Variants in NBEA observed in about 807,000 individuals in gnomAD.
The protein encoded by NBEA is neurobeachin, also known as lysosomal-trafficking regulator 2.
In NBEA, 44 loss-of-function variants were observed where a neutral mutation model predicts 343.4. That is an observed-to-expected ratio of 0.13 (90% CI 0.10 to 0.16). NBEA has a LOEUF of 0.16. NBEA is among the 10% of genes least tolerant of loss of function. The pLI, the probability that NBEA is intolerant of heterozygous loss-of-function variation, is 1.00. For synonymous variants in NBEA, 1,175 were observed against 1,238.7 expected (o/e 0.95, Z 1.08); for missense variants, 2,555 against 3,631.3 (o/e 0.70, Z 7.62).
intron 38 of NBEA, among the ~76,000 whole-genome samples, chr13:35,354,494 G>GTCAACAACCT (rs2040384578): frequency 6.6e-6 from 1 of 152,118 alleles, no homozygotes; most frequent in African/African-American, 2.4e-5. Context: ...GTGCTAGCTA[G>GTCAACAACCT]TCAACAACCT....
chr13:35,127,739 A>C (rs2067204458), intron 17 of NBEA, among the ~76,000 whole-genome samples: 1 of 152,140 alleles, frequency 6.6e-6, no homozygotes, highest in East Asian at 1.9e-4. Flanking sequence ...TTATTCTTTC[A>C]CAGTTAAAAA....
intron 48 of NBEA, among the ~76,000 whole-genome samples, chr13:35,622,193 T>C (rs1190096454): frequency 6.6e-6 from 1 of 152,194 alleles, no homozygotes; most frequent in Non-Finnish European, 1.5e-5. Context: ...TCTGAGGTCA[T>C]ACCAGCTGCT....
intron 38 of NBEA, among the ~76,000 whole-genome samples, chr13:35,372,296 A>G (rs2041478285): frequency 6.6e-6 from 1 of 152,212 alleles, no homozygotes; most frequent in Non-Finnish European, 1.5e-5. Context: ...CCAGGCCTGC[A>G]GATGGTATAT....
chr13:34,980,782 T>A (rs1004896748), intron 1 of NBEA, among the ~76,000 whole-genome samples: 2 of 152,098 alleles, frequency 1.3e-5, no homozygotes, highest in Admixed American at 6.5e-5. Context: ...GTTGAAAAAG[T>A]TTTTCCTCTT....
At chr13:35,619,974 A>G (rs965591330) in intron 48 of NBEA, among the ~76,000 whole-genome samples, 1 of 152,176 alleles carries the variant, frequency 6.6e-6, no homozygotes, top group Non-Finnish European at 1.5e-5. Context: ...AGGGGCTATC[A>G]TGCACTTCAT....
rs1196864234 is a variant in NBEA at position 35,044,163 on chromosome 13, C to T, written c.527-784C>T. On this transcript the variant is annotated intron_variant, in intron 2 of 58. Transcript: ENST00000379939. ...ACTCACACTAGCATGATGGATACCA[C>T]TATTAATGTGTTTAAATTACACTTC... 2.0e-5 allele frequency among the ~76,000 whole-genome samples: 3 copies of T among 152,114 alleles called. No individual in the cohort carries two copies. In the East Asian group the frequency reaches 5.8e-4, roughly 29 times the overall value.
intron 41 of NBEA, among the ~76,000 whole-genome samples, chr13:35,516,531 C>T (rs2077493262): frequency 6.6e-6 from 1 of 152,100 alleles, no homozygotes. Flanking sequence ...TGAGTCTACC[C>T]AGGTAATTTT....
chr13:34,952,047 G>T lies in NBEA; in HGVS notation c.294+8933G>T, dbSNP rs2059366152. 2.0e-5 allele frequency among the ~76,000 whole-genome samples: 3 copies of T among 152,230 alleles called. No individual in the cohort carries two copies. In the South Asian group the frequency reaches 6.2e-4, roughly 32 times the overall value. ...TAGATACCATTCCTGCTTTACATAT[G>T]TAGAAACTAAGGCTGTAGAAAATGT... is the stretch of plus-strand genomic sequence containing the variant. On this transcript the variant is annotated intron_variant, in intron 1 of 58. Transcript: ENST00000379939.
intron 38 of NBEA, among the ~76,000 whole-genome samples, chr13:35,383,430 A>C (rs2042102060): frequency 6.6e-6 from 1 of 152,212 alleles, no homozygotes; most frequent in East Asian, 1.9e-4. Flanking sequence ...GTTCAGTCTA[A>C]TTCAGAGAGC....
chr13:35,136,190 G>A (rs560507881), intron 17 of NBEA, among the ~76,000 whole-genome samples: 2 of 152,242 alleles, frequency 1.3e-5, no homozygotes, highest in African/African-American at 4.8e-5. Context: ...GAGTGACTTC[G>A]TAAGTATCCT....
At chr13:35,424,542 T>A (rs574358555) in intron 38 of NBEA, among the ~76,000 whole-genome samples, 1 of 152,292 alleles carries the variant, frequency 6.6e-6, no homozygotes, top group East Asian at 1.9e-4. Flanking sequence ...GCTGCTGGAT[T>A]CGGTTTGCCA....
chr13:35,103,873 C>A (rs2065779625), intron 11 of NBEA, among the ~76,000 whole-genome samples: 1 of 151,846 alleles, frequency 6.6e-6, no homozygotes, highest in Non-Finnish European at 1.5e-5. Flanking sequence ...CAGCTCCTTA[C>A]CATGTCAGTT....
In NBEA at chr13:35,118,357, A is replaced by G; in HGVS notation, c.2146-20A>G. The G allele has an allele frequency of 6.3e-7, 1 of 1,589,364 alleles. No individual in the cohort carries two copies. The highest frequency in any genetic ancestry group is 8.6e-7 in the Non-Finnish European group (1 of 1,166,918). ...AATCTTTAGAGTAAAATTTTAAATC[A>G]ACATTGGTGATTTATGCAGGATGAA... On this transcript the variant is annotated intron_variant, in intron 15 of 58. Transcript: ENST00000379939.
intron 1 of NBEA, among the ~76,000 whole-genome samples, chr13:34,990,387 C>T (rs1213776832): frequency 1.3e-5 from 2 of 151,220 alleles, no homozygotes; most frequent in African/African-American, 4.8e-5. Context: ...AACTCTTGCC[C>T]TCTATGCCCC....
intron 35 of NBEA, among the ~76,000 whole-genome samples, chr13:35,296,745 T>C (rs896772930): frequency 2.6e-5 from 4 of 151,612 alleles, no homozygotes; most frequent in African/African-American, 9.7e-5. Flanking sequence ...GTGAAAACTA[T>C]ATATATATAT....
At chr13:35,522,692 C>T (rs1400956634) in intron 41 of NBEA, among the ~76,000 whole-genome samples, 6 of 152,012 alleles carry the variant, frequency 3.9e-5, no homozygotes, top group Non-Finnish European at 8.8e-5. Context: ...GCCTGAGCTC[C>T]ACCTCCTGTC....
At chr13:35,070,198 GA>G (rs1021664563) in intron 9 of NBEA, 93 bp downstream of exon 9, 156 of 1,248,940 alleles carry the variant, frequency 1.2e-4, no homozygotes, top group Non-Finnish European at 1.5e-4. Flanking sequence ...ATAAATCTAT[GA>G]TTTTTTTGCT....
intron 1 of NBEA, among the ~76,000 whole-genome samples, chr13:35,028,239 A>G (rs1159460634): frequency 1.3e-5 from 2 of 151,980 alleles, no homozygotes; most frequent in Non-Finnish European, 2.9e-5. Context: ...AATGCATTAA[A>G]CTTATATGTT....
chr13:35,266,873 C>A (rs995232270), intron 34 of NBEA, among the ~76,000 whole-genome samples: 35 of 152,016 alleles, frequency 2.3e-4, no homozygotes, highest in African/African-American at 8.4e-4. Context: ...AACTTTTCAA[C>A]TCCCCAAAAC....
Sources: gnomAD v4.1 joint callset for allele counts (sites outside exome capture counted in the v4.1 genomes callset) on GRCh38, gnomAD v4.1.1 for gene constraint, MANE v1.5 for transcripts, NCBI Gene and HGNC (gene_info 2026-07-23, HGNC 2026-07-21) for gene names.